The following ILRUN variants were observed in gnomAD, a reference collection of about 807,000 sequenced individuals.
The protein encoded by ILRUN is protein ILRUN.
A neutral mutation model predicts 33.8 loss-of-function variants in ILRUN; 3 were observed. That is an observed-to-expected ratio of 0.09 (90% confidence interval 0.04 to 0.23). The LOEUF is 0.23. Ranked by LOEUF, ILRUN falls within the 10% of genes least tolerant of loss-of-function variation. ILRUN has a pLI of 1.00. For synonymous variants in ILRUN, 124 were observed against 138.9 expected, an observed-to-expected ratio of 0.89 and a Z score of 0.75; for missense variants, 210 against 375.1, an observed-to-expected ratio of 0.56 and a Z score of 3.64.
At chr6:34,690,948 G>A (rs1236851064) in intron 1 of ILRUN, among the ~76,000 whole-genome samples, 5 of 152,152 alleles carry the variant, frequency 3.3e-5, no homozygotes, top group Admixed American at 6.6e-5. Context: ...GCAGTGGCGT[G>A]ATCTCGGCTC....
At chr6:34,670,844 C>CAAA (rs201024054) in intron 1 of ILRUN, among the ~76,000 whole-genome samples, 1 of 58,546 alleles carries the variant, frequency 1.7e-5, no homozygotes, top group Non-Finnish European at 3.6e-5. Context: ...GACCCTGTCT[C>CAAA]AAAAAAAAAA....
In ILRUN at chr6:34,590,135, T is replaced by C. The variant is rs762657014; in HGVS notation, c.*430A>G. ...GCACTATTCTATAAAGAATATGTTA[T>C]CCCTTATTTAAAAAAATAAAAGTGG... On this transcript the variant is annotated 3_prime_UTR_variant, in exon 5 of 5. Transcript: ENST00000374023. 5.8e-6 allele frequency: 1 copy of C among 171,384 alleles called. No homozygotes were observed. Among genetic ancestry groups the C allele is most frequent in the Non-Finnish European group, 1.3e-5 (1 of 77,714 alleles). 10.6% of individuals were successfully genotyped at this position (171,384 alleles called of 1,614,324 possible).
chr6:34,616,899 C>T, intron 3 of ILRUN: 1 of 634,318 alleles, frequency 1.6e-6, no homozygotes, highest in Non-Finnish European at 3.0e-6. Flanking sequence ...AACAAGGCTT[C>T]AATTAACATG....
chr6:34,608,211 T>G (rs772202051), intron 3 of ILRUN, among the ~76,000 whole-genome samples: 1 of 151,638 alleles, frequency 6.6e-6, no homozygotes, highest in Non-Finnish European at 1.5e-5. Flanking sequence ...CTGGCCAACA[T>G]AGTGAAACCC....
intron 3 of ILRUN, among the ~76,000 whole-genome samples, chr6:34,626,568 AC>A (rs1762136670): frequency 6.6e-6 from 1 of 152,218 alleles, no homozygotes; most frequent in South Asian, 2.1e-4. Context: ...AACATACTGC[AC>A]CACAGTGGTA....
intron 1 of ILRUN, among the ~76,000 whole-genome samples, chr6:34,677,545 G>T (rs2064253): frequency 0.25 from 37,319 of 148,976 alleles, 4,649 homozygotes; most frequent in East Asian, 0.33. Flanking sequence ...ATATGCATAT[G>T]AGTAGCTATA....
chr6:34,690,908 A>C (rs1227707891), intron 1 of ILRUN, among the ~76,000 whole-genome samples: 2 of 152,230 alleles, frequency 1.3e-5, no homozygotes, highest in African/African-American at 4.8e-5. Context: ...GCAAATCTAC[A>C]GGAAAAGTTG....
In ILRUN at chr6:34,592,391, G is replaced by A. The variant is rs1416662650; in HGVS notation, c.862-1791C>T. Among the ~76,000 whole-genome samples, 4 of 152,182 alleles carry A rather than the reference G, an allele frequency of 2.6e-5. No homozygotes were observed. Among genetic ancestry groups the A allele is most frequent in the Admixed American group, 1.3e-4 (2 of 15,274 alleles). Reference sequence around the variant, plus strand: ...CAAAATGCCACATGGCTGTCAGCCCGAGCCAACCACGCCTCTAGCAGACGA... The same window carrying A: ...CAAAATGCCACATGGCTGTCAGCCCAAGCCAACCACGCCTCTAGCAGACGA... On this transcript the variant is annotated intron_variant, in intron 4 of 4. Coordinates refer to ENST00000374023, the MANE Select transcript of ILRUN (RefSeq NM_024294.4). This position sits in a 1 kb window ranked among gnomAD's most constrained non-coding sequence, Gnocchi z 4.0.
chr6:34,616,251 G>A (rs1351936172), intron 3 of ILRUN, among the ~76,000 whole-genome samples: 1 of 152,228 alleles, frequency 6.6e-6, no homozygotes. Context: ...AGATTATGGT[G>A]GAGGCCACTT....
chr6:34,662,294 A>G (rs1434124838), intron 1 of ILRUN, among the ~76,000 whole-genome samples: 2 of 149,430 alleles, frequency 1.3e-5, no homozygotes, highest in Admixed American at 1.3e-4. Context: ...TGACAGAGCA[A>G]GACTCCGTCT....
chr6:34,636,216 G>A (rs1450216680), intron 3 of ILRUN, among the ~76,000 whole-genome samples: 1 of 152,000 alleles, frequency 6.6e-6, no homozygotes, highest in African/African-American at 2.4e-5. Flanking sequence ...ACACTGTCCA[G>A]CCTGGATGAT....
At chr6:34,627,528 G>C (rs1762162125) in intron 3 of ILRUN, among the ~76,000 whole-genome samples, 1 of 152,108 alleles carries the variant, frequency 6.6e-6, no homozygotes, top group Admixed American at 6.5e-5. Context: ...ACCAGTATTT[G>C]GTATTGTTGG....
At chr6:34,658,943 T>C (rs1382036177) in intron 1 of ILRUN, among the ~76,000 whole-genome samples, 1 of 152,224 alleles carries the variant, frequency 6.6e-6, no homozygotes, top group Non-Finnish European at 1.5e-5. Context: ...CATTATAATG[T>C]TGGCTGTGAA....
At chr6:34,622,342 A>T (rs897545989) in intron 3 of ILRUN, among the ~76,000 whole-genome samples, 7 of 152,204 alleles carry the variant, frequency 4.6e-5, no homozygotes, top group African/African-American at 1.7e-4. Context: ...TTAATATCTC[A>T]AATATATAAA....
Position 34,668,841 on chromosome 6 carries a change from ATTT to A in ILRUN, c.159-14065_159-14063del, listed in dbSNP as rs34742011. On this transcript the variant is annotated intron_variant, in intron 1 of 4. Coordinates refer to ENST00000374023, the MANE Select transcript of ILRUN (RefSeq NM_024294.4). ...ATTTAAAAAAATTAATGCCTGGCTA[ATTT>A]TTTTTTTTTTTTTTTTGGAGATGAA... Among the ~76,000 whole-genome samples the A allele has an allele frequency of 1.4e-4, 18 of 132,542 alleles. No individual in the cohort carries two copies. In the East Asian group the frequency reaches 2.4e-3, roughly 18 times the overall value. The allele number at this position is 132,542 out of a possible 152,430, so 87.0% of individuals were successfully genotyped here.
At chr6:34,632,062 G>A (rs1028506345) in intron 3 of ILRUN, among the ~76,000 whole-genome samples, 1 of 152,086 alleles carries the variant, frequency 6.6e-6, no homozygotes, top group Admixed American at 6.5e-5. Context: ...ATAAGAATAG[G>A]TAGCACAATA....
At position 34,689,530 on chromosome 6, in the gene ILRUN, T is replaced by C. The variant is rs1477121432; in HGVS notation, c.158+6916A>G. On this transcript the variant is annotated intron_variant, in intron 1 of 4. Coordinates refer to ENST00000374023, the MANE Select transcript of ILRUN (RefSeq NM_024294.4). Reference sequence around the variant, plus strand: ...TTCCTTACCCTCTTCCTAAAACTACTATTTGACACACATTTATTTAAGGAA... The same window carrying C: ...TTCCTTACCCTCTTCCTAAAACTACCATTTGACACACATTTATTTAAGGAA... Among the ~76,000 whole-genome samples the C allele has an allele frequency of 3.3e-5, 5 of 152,240 alleles. No homozygotes were observed. In the South Asian group the frequency reaches 6.2e-4, roughly 19 times the overall value.
chr6:34,644,856 G>C lies in ILRUN; in HGVS notation c.511+1745C>G, dbSNP rs189099760. ...GAAATAAAAGGATATTTCAGGCAAT[G>C]AGACAAATGAGCAAGGGCATGGAGA... On this transcript the variant is annotated intron_variant, in intron 3 of 4. Transcript: ENST00000374023. Among the ~76,000 whole-genome samples the C allele has an allele frequency of 1.4e-3, 208 of 152,240 alleles. 1 individual carries two copies. Among genetic ancestry groups the C allele is most frequent in the African/African-American group, 3.8e-3 (159 of 41,542 alleles).
intron 3 of ILRUN, among the ~76,000 whole-genome samples, chr6:34,645,064 C>T (rs1343278193): frequency 6.6e-6 from 1 of 152,128 alleles, no homozygotes; most frequent in Non-Finnish European, 1.5e-5. Flanking sequence ...CACTATGAGA[C>T]TCTTTCTAAT....
Sources: allele counts gnomAD v4.1 joint callset (sites outside exome capture counted in the v4.1 genomes callset), GRCh38; gene constraint gnomAD v4.1.1; non-coding constraint Gnocchi (gnomAD v3.1); transcripts MANE v1.5; gene names NCBI Gene and HGNC (gene_info 2026-07-23, HGNC 2026-07-21).